Variants in NBR1 observed in about 807,000 individuals in gnomAD.
NBR1 encodes the protein NBR1 autophagy cargo receptor.
Under a neutral mutation model 115.5 loss-of-function variants are expected in NBR1, and 59 were observed. The observed-to-expected ratio is 0.51, with a 90% confidence interval of 0.41 to 0.63. The LOEUF (loss-of-function observed/expected upper bound fraction) is 0.63, where lower values mean the gene tolerates loss of function less well. Among genes scored for constraint, NBR1 ranks in the 30% least tolerant of loss-of-function variants. The pLI is 0.00. For missense variants in NBR1, 1,043 were observed against 1,150.5 expected, an observed-to-expected ratio of 0.91 and a Z score of 1.35; for synonymous variants, 373 against 414.7, an observed-to-expected ratio of 0.90 and a Z score of 1.22.
At position 43,210,099 on chromosome 17, in the gene NBR1, G is replaced by A; in HGVS notation, c.*25G>A. The A allele has an allele frequency of 1.3e-6, 2 of 1,594,222 alleles. No individual in the cohort carries two copies. Among genetic ancestry groups the A allele is most frequent in the Non-Finnish European group, 1.7e-6 (2 of 1,169,766 alleles). ...AGGAGTGACCTTGTATTAAATAACT[G>A]CCTGCTGCTCAGAGATGATCTTTAT... On this transcript the variant is annotated 3_prime_UTR_variant, in exon 21 of 21. Coordinates refer to ENST00000590996, the MANE Select transcript of NBR1 (RefSeq NM_005899.5).
At position 43,203,683 on chromosome 17, in the gene NBR1, A is replaced by C; in HGVS notation, c.2624A>C (p.His875Pro). ...GATAATTTGGTTTTCCTCTGCAGGC[A>C]CCATCATGGGAGCAGCATTGCTGGA... ...SRQKSYDHSR[H>P]HHGSSIAGGL... Residue 875 changes from histidine to proline, a missense_variant and splice_region_variant, in exon 20 of 21, where the codon CAC becomes CCC. By Grantham distance (77) the His-to-Pro change is moderately conservative. Coordinates refer to ENST00000590996, the MANE Select transcript of NBR1 (RefSeq NM_005899.5). 1.2e-6 allele frequency: 2 copies of C among 1,603,754 alleles called. No individual in the cohort carries two copies. The highest frequency in any genetic ancestry group is 1.7e-6 in the Non-Finnish European group (2 of 1,173,318).
chr17:43,182,539 A>G (rs565656420), intron 5 of NBR1, among the ~76,000 whole-genome samples: 2 of 151,488 alleles, frequency 1.3e-5, no homozygotes, highest in African/African-American at 2.4e-5. Flanking sequence ...TCTGTTCTCT[A>G]TAGCCCATAC....
In NBR1 at chr17:43,191,424, C is replaced by A. The variant is rs761883172; in HGVS notation, c.916C>A (p.Arg306=). Reference sequence around the variant, plus strand: ...TCTTAAAGCAGAAAAGCAAAGGTTGCGAGCTGAGAAGAAACAACGTAAAGC... The same window carrying A: ...TCTTAAAGCAGAAAAGCAAAGGTTGAGAGCTGAGAAGAAACAACGTAAAGC... ...NFLKAEKQRL[R]AEKKQRKAEV... is the part of the protein sequence containing the mutation. The change falls in exon 10 of 21, where the codon CGA becomes AGA. Residue 306 remains arginine, a synonymous_variant. Coordinates refer to ENST00000590996, the MANE Select transcript of NBR1 (RefSeq NM_005899.5). 1 of 1,613,144 alleles carries A rather than the reference C, an allele frequency of 6.2e-7. No homozygotes were observed. Among genetic ancestry groups the A allele is most frequent in the Admixed American group, 1.7e-5 (1 of 59,862 alleles).
At chr17:43,182,501 A>G (rs1000049412) in intron 5 of NBR1, among the ~76,000 whole-genome samples, 5 of 151,208 alleles carry the variant, frequency 3.3e-5, no homozygotes, top group Non-Finnish European at 7.4e-5. Context: ...GATTACAGGC[A>G]TGAGCCACTG....
At chr17:43,202,824 G>C in intron 19 of NBR1, 112 bp downstream of exon 19, 1 of 822,642 alleles carries the variant, frequency 1.2e-6, no homozygotes, top group Non-Finnish European at 1.9e-6. Flanking sequence ...CAGAGAAGGG[G>C]AGCCTTTGTT....
At chr17:43,178,484 C>G (rs1026702803) in intron 3 of NBR1, among the ~76,000 whole-genome samples, 2 of 150,706 alleles carry the variant, frequency 1.3e-5, no homozygotes, top group Non-Finnish European at 2.9e-5. Flanking sequence ...TCAAGTGATT[C>G]TCCTGTCTCA....
At position 43,200,158 on chromosome 17, in the gene NBR1, A is replaced by G; in HGVS notation, c.2027-9A>G. 2 of 1,537,310 alleles carry G rather than the reference A, an allele frequency of 1.3e-6. No individual in the cohort carries two copies. The highest frequency in any genetic ancestry group is 1.8e-6 in the Non-Finnish European group (2 of 1,138,110). On this transcript the variant is annotated splice_polypyrimidine_tract_variant and intron_variant, in intron 16 of 20. Coordinates refer to ENST00000590996, the MANE Select transcript of NBR1 (RefSeq NM_005899.5). Reference sequence around the variant, plus strand: ...TTCCACCTTAAAATTGGTTGCTTTCATCCTTTAGTGACATTTGCCTTGCCT... The same window carrying G: ...TTCCACCTTAAAATTGGTTGCTTTCGTCCTTTAGTGACATTTGCCTTGCCT...
chr17:43,191,785 G>C (rs767031192), intron 10 of NBR1, among the ~76,000 whole-genome samples: 2 of 152,096 alleles, frequency 1.3e-5, no homozygotes, highest in African/African-American at 2.4e-5. Context: ...GCAGTGGTGC[G>C]ATCTCGGCTC....
In NBR1 at chr17:43,201,818, T is replaced by C. The variant is rs1185822329; in HGVS notation, c.2563+38T>C. On this transcript the variant is annotated intron_variant, in intron 18 of 20. Coordinates refer to ENST00000590996, the MANE Select transcript of NBR1 (RefSeq NM_005899.5). ...CTAAGCTTTTTCTCTTTTTCTCTGC[T>C]CCTGTCTAATGGAAACCAGGTATAA... The C allele has an allele frequency of 2.5e-6, 3 of 1,177,596 alleles. No individual in the cohort carries two copies. The African/African-American group carries it at 4.5e-5, about 18-fold the overall frequency. The allele number at this position is 1,177,596 out of a possible 1,614,324, so 72.9% of individuals were successfully genotyped here.
Position 43,196,941 on chromosome 17 carries a change from G to T in NBR1, c.1862-1G>T. The T allele has an allele frequency of 6.2e-7, 1 of 1,613,952 alleles. No individual in the cohort carries two copies. Among genetic ancestry groups the T allele is most frequent in the African/African-American group, 1.3e-5 (1 of 75,050 alleles). ...GCAGATAAGGTTCGTGTGTCTTTCAGATTCTATGGTGTCAGTAAAGAGGAA... is the reference window on the plus strand; with the variant it reads ...GCAGATAAGGTTCGTGTGTCTTTCATATTCTATGGTGTCAGTAAAGAGGAA... On this transcript the variant is annotated splice_acceptor_variant, in intron 15 of 20. Transcript: ENST00000590996. LOFTEE classifies it high-confidence loss of function.
intron 1 of NBR1, among the ~76,000 whole-genome samples, chr17:43,172,850 G>A (rs1055706217): frequency 2.6e-5 from 4 of 152,260 alleles, no homozygotes; most frequent in Non-Finnish European, 5.9e-5. Flanking sequence ...ATTTGAGATG[G>A]AGTCTTGCTC....
chr17:43,175,647 A>G, intron 1 of NBR1, 144 bp from the exon 2 acceptor site: 1 of 449,846 alleles, frequency 2.2e-6, no homozygotes, highest in South Asian at 3.8e-5. Context: ...GAACAGGGAC[A>G]GTGTTTCTTT....
rs550609376 is a variant in NBR1, at chr17:43,203,972, C to T, written c.2727+186C>T. On this transcript the variant is annotated intron_variant, in intron 20 of 20. Coordinates refer to ENST00000590996, the MANE Select transcript of NBR1 (RefSeq NM_005899.5). ...TTTTTTTTTGAGACGAAGTCTCGCT[C>T]TGTTGCCCAGGCTGGGGTGCAGTGG... Among the ~76,000 whole-genome samples the T allele has an allele frequency of 4.1e-5, 6 of 148,116 alleles. 1 individual carries two copies. The East Asian group carries it at 1.2e-3, about 30-fold the overall frequency.
rs1252408737 is a variant in NBR1 at position 43,194,988 on chromosome 17, G to A, written c.1699G>A (p.Asp567Asn). 3.1e-6 allele frequency: 5 copies of A among 1,613,776 alleles called. No homozygotes were observed. Among genetic ancestry groups the A allele is most frequent in the African/African-American group, 1.3e-5 (1 of 75,028 alleles). ...AQDLLSFELL[D>N]INIVQELERV... ...GGACCTGCTGTCCTTTGAGCTGTTG[G>A]ATATAAACATTGTTCAAGAGTTGGA... is the stretch of plus-strand genomic sequence containing the variant. Residue 567 changes from aspartate (D) to asparagine (N), a missense_variant, in exon 14 of 21, where the codon GAT (aspartate) becomes AAT (asparagine). Coordinates refer to ENST00000590996, the MANE Select transcript of NBR1 (RefSeq NM_005899.5).
intron 20 of NBR1, chr17:43,209,626 G>A: frequency 6.5e-7 from 1 of 1,535,524 alleles, no homozygotes; most frequent in Non-Finnish European, 8.7e-7. Flanking sequence ...CCCGAGTGAA[G>A]CATTCTCCTG....
At chr17:43,197,852 G>T (rs1215708270) in intron 16 of NBR1, among the ~76,000 whole-genome samples, 1 of 152,158 alleles carries the variant, frequency 6.6e-6, no homozygotes, top group Non-Finnish European at 1.5e-5. Context: ...AAATTCTGCT[G>T]TAATAAATAC....
intron 20 of NBR1, among the ~76,000 whole-genome samples, chr17:43,207,202 T>C (rs1267068039): frequency 1.3e-5 from 2 of 152,178 alleles, no homozygotes; most frequent in African/African-American, 2.4e-5. Context: ...GGTAAAGATA[T>C]CCAGAGTGCA....
intron 5 of NBR1, among the ~76,000 whole-genome samples, chr17:43,181,863 A>G (rs536526419): frequency 2.8e-4 from 43 of 151,848 alleles, no homozygotes; most frequent in African/African-American, 9.7e-4. Context: ...GCATGCCTAT[A>G]ATCCCAGCTA....
In NBR1 at chr17:43,193,584, T is replaced by C; in HGVS notation, c.1470T>C (p.Ile490=). The change falls in exon 12 of 21, where the codon ATT becomes ATC. Residue 490 remains isoleucine (I), a synonymous_variant. Coordinates refer to ENST00000590996, the MANE Select transcript of NBR1 (RefSeq NM_005899.5). ...CCTCCGAAGAGAGCCCTGATAACAT[T>C]GAAAAGGGCATGATCAGCTCAAGCA... ...PFPSEESPDN[I]EKGMISSSKT... 6.2e-7 allele frequency: 1 copy of C among 1,611,922 alleles called. No individual in the cohort carries two copies. The highest frequency in any genetic ancestry group is 8.5e-7 in the Non-Finnish European group (1 of 1,179,104).
Sources: gnomAD v4.1 joint callset for allele counts (sites outside exome capture counted in the v4.1 genomes callset) on GRCh38, gnomAD v4.1.1 for gene constraint, MANE v1.5 for transcripts, NCBI Gene and HGNC (gene_info 2026-07-23, HGNC 2026-07-21) for gene names.